CDH19: variants seen among roughly 807,000 people sequenced by gnomAD.
CDH19 encodes the protein cadherin 19.
A neutral mutation model predicts 64.2 loss-of-function variants in CDH19; 67 were observed. The ratio of observed to expected loss-of-function variants is 1.04; its 90% CI spans 0.86 to 1.28. CDH19 has a LOEUF of 1.28. CDH19 is among the 50% of genes most tolerant of loss of function. The probability of loss-of-function intolerance (pLI) is 0.00; values close to 1 mark genes in which losing one functional copy is unlikely to be tolerated. For missense variants in CDH19, 1,030 were observed against 929.0 expected, an observed-to-expected ratio of 1.11 and a Z score of -1.41; for synonymous variants, 346 against 319.3, an observed-to-expected ratio of 1.08 and a Z score of -0.89.
At chr18:66,581,382 G>T (rs1485804104) in intron 1 of CDH19, among the ~76,000 whole-genome samples, 1 of 152,002 alleles carries the variant, frequency 6.6e-6, no homozygotes, top group East Asian at 1.9e-4. Flanking sequence ...AACTTGATTG[G>T]ATTGAAGAAT....
rs752725413 is a variant in CDH19, at chr18:66,504,960, T to G, written c.2171A>C (p.Glu724Ala). The G allele has an allele frequency of 1.9e-6, 3 of 1,613,492 alleles. No homozygotes were observed. The highest frequency in any genetic ancestry group is 1.3e-5 in the African/African-American group (1 of 74,960). The change falls in exon 12 of 12, where the codon GAG becomes GCG. Residue 724 changes from glutamate (E) to alanine (A), a missense_variant. By Grantham distance (107) the Glu-to-Ala change is moderately radical (BLOSUM62 -1). Transcript: ENST00000262150. The part of the protein sequence containing the change: ...PFDSLQTYAF[E>A]GTGSLAGSLS... ...GGATCCAGCTAATGACCCTGTTCCC[T>G]CAAAAGCGTAGGTCTGGAGGGAATC...
At position 66,520,168 on chromosome 18, in the gene CDH19, C is replaced by T. The variant is rs139027834; in HGVS notation, c.1459-8483G>A. On this transcript the variant is annotated intron_variant, in intron 9 of 11. Transcript: ENST00000262150. ...CTACTGCACTCCAGCCTGGGTGACA[C>T]AGCCAGACTCTGTCTCAAACAAAAA... Among the ~76,000 whole-genome samples, 32 of 151,970 alleles carry T rather than the reference C, an allele frequency of 2.1e-4. No individual in the cohort carries two copies. The East Asian group carries it at 6.0e-3, about 29-fold the overall frequency.
chr18:66,596,089 A>G (rs550146321), intron 1 of CDH19: 1 of 152,282 alleles, frequency 6.6e-6, no homozygotes, highest in African/African-American at 2.4e-5. Flanking sequence ...TACACACAGA[A>G]AAGCTTCTGA....
Position 66,512,370 on chromosome 18 carries a change from G to A in CDH19, c.1459-685C>T, listed in dbSNP as rs550567170. Among the ~76,000 whole-genome samples the A allele has an allele frequency of 1.2e-4, 18 of 151,462 alleles. No homozygotes were observed. The East Asian group carries it at 2.5e-3, about 21-fold the overall frequency. ...GTCAGTCAAGTAGTTCATTATTGTC[G>A]AAAAAGATATGCTGTCAAGATCACA... On this transcript the variant is annotated intron_variant, in intron 9 of 11. Transcript: ENST00000262150.
rs1160659966 is a variant in CDH19, at chr18:66,582,575, A to G, written c.-112-10259T>C. On this transcript the variant is annotated intron_variant, in intron 1 of 11. Coordinates refer to ENST00000262150, the MANE Select transcript of CDH19 (RefSeq NM_021153.4). ...TTCATTGCACAGCACTAAAATGTGA[A>G]AGATCATTTTCTGTTTTATTTATGA... Among the ~76,000 whole-genome samples, 3 of 151,260 alleles carry G rather than the reference A, an allele frequency of 2.0e-5. No homozygotes were observed. In the Admixed American group the frequency reaches 2.0e-4, roughly 10 times the overall value.
intron 9 of CDH19, among the ~76,000 whole-genome samples, chr18:66,516,168 ACT>A (rs1488676895): frequency 6.6e-6 from 1 of 151,706 alleles, no homozygotes; most frequent in African/African-American, 2.4e-5. Flanking sequence ...ACTGAGGGAC[ACT>A]CCCAGGCTCT....
At chr18:66,543,886 TA>T (rs999017871) in intron 7 of CDH19, 84 bp downstream of exon 7, 142 of 1,043,472 alleles carry the variant, frequency 1.4e-4, no homozygotes, top group Non-Finnish European at 1.6e-4. Context: ...CCCTCTCAAT[TA>T]AAAAAAAGAT....
intron 9 of CDH19, among the ~76,000 whole-genome samples, chr18:66,517,372 T>C (rs1954860): frequency 0.12 from 17,793 of 151,996 alleles, 1,364 homozygotes; most frequent in Admixed American, 0.16. Flanking sequence ...AAAAAGACAT[T>C]TAATATCAGT....
intron 8 of CDH19, chr18:66,532,549 A>T (rs1986495767): frequency 1.3e-5 from 4 of 310,130 alleles, no homozygotes; most frequent in Non-Finnish European, 2.5e-5. Flanking sequence ...GGGAAAAAAA[A>T]AGCTTTGTAT....
rs148218259 is a variant in CDH19 at position 66,562,918 on chromosome 18, T to C, written c.490+5498A>G. Among the ~76,000 whole-genome samples, 27 of 152,120 alleles carry C rather than the reference T, an allele frequency of 1.8e-4. No homozygotes were observed. In the East Asian group the frequency reaches 5.2e-3, roughly 30 times the overall value. On this transcript the variant is annotated intron_variant, in intron 3 of 11. Transcript: ENST00000262150. ...CACTGAGTAAAACCTGAGGTAAAGG[T>C]AGTGTAACTCTGTCTCTGTTGAGTT...
At chr18:66,536,518 A>C (rs1986677495) in intron 7 of CDH19, among the ~76,000 whole-genome samples, 1 of 151,854 alleles carries the variant, frequency 6.6e-6, no homozygotes, top group Non-Finnish European at 1.5e-5. Context: ...ATGTCATTGC[A>C]CATAAAGCCC....
At chr18:66,584,126 C>T (rs912742186) in intron 1 of CDH19, among the ~76,000 whole-genome samples, 2 of 151,954 alleles carry the variant, frequency 1.3e-5, no homozygotes, top group African/African-American at 4.8e-5. Context: ...TGATATCCAG[C>T]ATCTATCAAG....
chr18:66,501,651 C>T lies in CDH19; in HGVS notation c.*3161G>A, dbSNP rs1163901093. The stretch of plus-strand genomic sequence containing the variant: ...ATGTGTTCCAATAGAATACCATTAG[C>T]TGTTGTTATAATAATTCACTGTTAT... On this transcript the variant is annotated 3_prime_UTR_variant, in exon 12 of 12. Transcript: ENST00000262150. 6.6e-6 allele frequency: 1 copy of T among 152,056 alleles called. No individual in the cohort carries two copies. Among genetic ancestry groups the T allele is most frequent in the Non-Finnish European group, 1.5e-5 (1 of 68,010 alleles). 9.4% of individuals were successfully genotyped at this position (152,056 alleles called of 1,614,324 possible).
At chr18:66,523,753 A>G (rs934334188) in intron 9 of CDH19, among the ~76,000 whole-genome samples, 2 of 151,922 alleles carry the variant, frequency 1.3e-5, no homozygotes, top group Non-Finnish European at 2.9e-5. Flanking sequence ...CCACACGTCC[A>G]GAGAGCTGAC....
chr18:66,585,900 G>A (rs1374856171), intron 1 of CDH19, among the ~76,000 whole-genome samples: 1 of 151,980 alleles, frequency 6.6e-6, no homozygotes, highest in South Asian at 2.1e-4. Context: ...TATATAAGCT[G>A]AAAATGAGCC....
At chr18:66,561,518 A>T (rs1987722971) in intron 3 of CDH19, among the ~76,000 whole-genome samples, 1 of 152,154 alleles carries the variant, frequency 6.6e-6, no homozygotes, top group African/African-American at 2.4e-5. Flanking sequence ...AATGATGGGA[A>T]CTCTGAAAAG....
intron 1 of CDH19, among the ~76,000 whole-genome samples, chr18:66,602,795 G>T (rs1283512986): frequency 6.6e-6 from 1 of 151,704 alleles, no homozygotes; most frequent in African/African-American, 2.4e-5. Flanking sequence ...AGACAATAAT[G>T]AAATGCTTAT....
chr18:66,540,872 A>G (rs1163778445), intron 7 of CDH19, among the ~76,000 whole-genome samples: 2 of 152,092 alleles, frequency 1.3e-5, no homozygotes. Context: ...TGATAAAATA[A>G]AAATTTTAAG....
intron 8 of CDH19, 127 bp from the exon 9 acceptor site, chr18:66,530,093 A>G: frequency 2.5e-6 from 1 of 403,918 alleles, no homozygotes. Flanking sequence ...CAATCTGAGG[A>G]CAGGATATCT....
Sources: allele counts gnomAD v4.1 joint callset (sites outside exome capture counted in the v4.1 genomes callset), GRCh38; gene constraint gnomAD v4.1.1; transcripts MANE v1.5; gene names NCBI Gene and HGNC (gene_info 2026-07-23, HGNC 2026-07-21).